The following FRMD4B variants were observed in gnomAD, a reference collection of about 807,000 sequenced individuals.
FRMD4B encodes the protein FERM domain containing 4B, also known as FERM domain-containing protein 4B.
FRMD4B carries 74 observed loss-of-function variants against 141.5 expected under a neutral mutation model. The ratio of observed to expected loss-of-function variants is 0.52; its 90% CI spans 0.43 to 0.63. FRMD4B has a LOEUF of 0.63. FRMD4B is among the 30% of genes least tolerant of loss of function. The probability of loss-of-function intolerance (pLI) is 0.00; values close to 1 mark genes in which losing one functional copy is unlikely to be tolerated. For synonymous variants in FRMD4B, 506 were observed against 467.9 expected, an observed-to-expected ratio of 1.08 and a Z score of -1.05; for missense variants, 1,366 against 1,253.4, an observed-to-expected ratio of 1.09 and a Z score of -1.36.
intron 1 of FRMD4B, among the ~76,000 whole-genome samples, chr3:69,515,229 G>A (rs1185312990): frequency 2.6e-5 from 4 of 152,144 alleles, no homozygotes; most frequent in Non-Finnish European, 4.4e-5. Context: ...ACAGGACCAA[G>A]GGGCTGGTGC....
rs149200882 is a variant in FRMD4B at position 69,396,311 on chromosome 3, C to T, written c.-1+36323G>A. ...TGCTTGAGGTCGAGTTCTAGACCAG[C>T]CTGGCCAATATGGTGAAACCCCTTC... On this transcript the variant is annotated intron_variant, in intron 2 of 5. Transcript: ENST00000459638. 5.3e-3 allele frequency among the ~76,000 whole-genome samples: 802 copies of T among 152,162 alleles called. 38 individuals are homozygous for T. Among genetic ancestry groups the T allele is most frequent in the Non-Finnish European group, 1.2e-3 (80 of 68,008 alleles).
At chr3:69,489,533 G>A (rs1243525605) in intron 1 of FRMD4B, among the ~76,000 whole-genome samples, 2 of 152,116 alleles carry the variant, frequency 1.3e-5, no homozygotes, top group Non-Finnish European at 2.9e-5. Flanking sequence ...AAACCAGAGT[G>A]AGTTGCTACT....
chr3:69,540,962 A>C (rs958307685), intron 1 of FRMD4B, among the ~76,000 whole-genome samples: 15 of 152,118 alleles, frequency 9.9e-5, no homozygotes, highest in Non-Finnish European at 1.9e-4. Context: ...TCTTCACAGC[A>C]TGTGTATGAC....
chr3:69,529,917 T>C (rs995219243), intron 1 of FRMD4B, among the ~76,000 whole-genome samples: 3 of 152,248 alleles, frequency 2.0e-5, no homozygotes, highest in Admixed American at 6.5e-5. Context: ...GAGCCACTGA[T>C]TGACAACCAC....
At chr3:69,329,186 A>G (rs962923062) in intron 1 of FRMD4B, among the ~76,000 whole-genome samples, 4 of 152,154 alleles carry the variant, frequency 2.6e-5, no homozygotes, top group African/African-American at 9.7e-5. Flanking sequence ...CAGAGGCTTC[A>G]GGTTTACAGA....
At chr3:69,248,618 T>C (rs185375448) in intron 7 of FRMD4B, among the ~76,000 whole-genome samples, 1,525 of 152,326 alleles carry the variant, frequency 0.01, 22 homozygotes, top group Non-Finnish European at 0.012. Flanking sequence ...GCCTCCACCC[T>C]TTAACTGTTT....
chr3:69,246,653 G>C (rs916563894), intron 7 of FRMD4B, among the ~76,000 whole-genome samples: 1 of 152,106 alleles, frequency 6.6e-6, no homozygotes, highest in East Asian at 1.9e-4. Flanking sequence ...TTACAGATGA[G>C]GGAACCGAGG....
chr3:69,196,599 T>G (rs2092907913), intron 13 of FRMD4B: 1 of 586,408 alleles, frequency 1.7e-6, no homozygotes, highest in Non-Finnish European at 3.0e-6. Context: ...TATACGTGAT[T>G]TTCTCATGGT....
chr3:69,479,694 C>A (rs965491529), intron 1 of FRMD4B, among the ~76,000 whole-genome samples: 1 of 152,130 alleles, frequency 6.6e-6, no homozygotes, highest in African/African-American at 2.4e-5. Context: ...CTTGGAGTTG[C>A]TCTTCTCAAA....
intron 1 of FRMD4B, among the ~76,000 whole-genome samples, chr3:69,495,089 G>T (rs9809678): frequency 0.024 from 3,620 of 152,214 alleles, 113 homozygotes; most frequent in African/African-American, 0.08. Context: ...GTATAGACTT[G>T]GTCGCAGCAT....
chr3:69,316,520 C>CT lies in FRMD4B; in HGVS notation c.163-3004dup, dbSNP rs1575724467. 2.7e-5 allele frequency among the ~76,000 whole-genome samples: 4 copies of CT among 150,204 alleles called. No homozygotes were observed. In the South Asian group the frequency reaches 6.3e-4, roughly 24 times the overall value. On this transcript the variant is annotated intron_variant, in intron 1 of 22. Transcript: ENST00000398540. ...CTAACTAAAAAAAAAAAAAAGTCAT[C>CT]TTTTTTTTCTGCTTTTCTATACCAG...
rs2093631274 is a variant in FRMD4B, at chr3:69,278,905, AG to A, written c.501+8846del. Among the ~76,000 whole-genome samples the A allele has an allele frequency of 2.0e-5, 3 of 152,206 alleles. No individual in the cohort carries two copies. The South Asian group carries it at 6.2e-4, about 32-fold the overall frequency. On this transcript the variant is annotated intron_variant, in intron 5 of 22. Transcript: ENST00000398540. Reference sequence around the variant, plus strand: ...TGCCCTGCTCCAAATTGCTTTTTATAGTACTTTAGGAAACAGTAATAAGTAA... The same window carrying A: ...TGCCCTGCTCCAAATTGCTTTTTATATACTTTAGGAAACAGTAATAAGTAA...
intron 1 of FRMD4B, among the ~76,000 whole-genome samples, chr3:69,498,734 A>C (rs1389065983): frequency 2.6e-5 from 4 of 152,218 alleles, no homozygotes; most frequent in Non-Finnish European, 5.9e-5. Context: ...ATAGAGGAGA[A>C]AACTGAGGCT....
chr3:69,401,842 G>A (rs1463869288), intron 2 of FRMD4B, among the ~76,000 whole-genome samples: 2 of 152,170 alleles, frequency 1.3e-5, no homozygotes, highest in Admixed American at 6.5e-5. Flanking sequence ...TAGCCACCGT[G>A]CCTGGCCGAG....
At chr3:69,383,056 T>A (rs1265425116) in intron 1 of FRMD4B, among the ~76,000 whole-genome samples, 1 of 134,390 alleles carries the variant, frequency 7.4e-6, no homozygotes, top group Non-Finnish European at 1.6e-5. Context: ...CTTTCTAAAC[T>A]CCAGGCAGCG....
chr3:69,244,622 G>A (rs960926937), intron 7 of FRMD4B, among the ~76,000 whole-genome samples: 1 of 151,726 alleles, frequency 6.6e-6, no homozygotes, highest in African/African-American at 2.4e-5. Context: ...GACAGAGCGA[G>A]ACTCTGTTTA....
At chr3:69,353,930 T>G (rs964312191) in intron 1 of FRMD4B, among the ~76,000 whole-genome samples, 1 of 152,366 alleles carries the variant, frequency 6.6e-6, no homozygotes, top group African/African-American at 2.4e-5. Flanking sequence ...TTTTCTAAAC[T>G]TCCTTGATAA....
chr3:69,428,030 A>G (rs953374547), intron 2 of FRMD4B, among the ~76,000 whole-genome samples: 2 of 152,136 alleles, frequency 1.3e-5, no homozygotes, highest in African/African-American at 4.8e-5. Context: ...CAAGTTAACA[A>G]GCATCTACTG....
chr3:69,475,768 T>G (rs748689220), intron 1 of FRMD4B, among the ~76,000 whole-genome samples: 13 of 142,196 alleles, frequency 9.1e-5, no homozygotes, highest in Non-Finnish European at 1.7e-4. Context: ...TCTAGATCCC[T>G]GGGAATCGCC....
Sources: gnomAD v4.1 joint callset for allele counts (sites outside exome capture counted in the v4.1 genomes callset) on GRCh38, gnomAD v4.1.1 for gene constraint, MANE v1.5 for transcripts, NCBI Gene and HGNC (gene_info 2026-07-23, HGNC 2026-07-21) for gene names.